Variants in MACROD2 observed in about 807,000 individuals in gnomAD.
MACROD2 encodes mono-ADP ribosylhydrolase 2.
MACROD2 carries 36 observed loss-of-function variants against 70.4 expected under a neutral mutation model. The ratio of observed to expected loss-of-function variants is 0.51; its 90% CI spans 0.39 to 0.68. The LOEUF is 0.68. Among genes scored for constraint, MACROD2 ranks in the 30% least tolerant of loss-of-function variants. The probability of loss-of-function intolerance (pLI) is 0.00; values close to 1 mark genes in which losing one functional copy is unlikely to be tolerated. For synonymous variants in MACROD2, 172 were observed against 178.8 expected (o/e 0.96, Z 0.30); for missense variants, 496 against 538.4 (o/e 0.92, Z 0.78).
In MACROD2 at chr20:14,915,310, C is replaced by G. The variant is rs545547640; in HGVS notation, c.418+230351C>G. On this transcript the variant is annotated intron_variant, in intron 5 of 17. Transcript: ENST00000684519. Reference sequence around the variant, plus strand: ...GACTTTAATGGCATTCTGGTGTCTTCAAAAGATCGCCACCAAATAAAGCTT... The same window carrying G: ...GACTTTAATGGCATTCTGGTGTCTTGAAAAGATCGCCACCAAATAAAGCTT... Among the ~76,000 whole-genome samples, 130 of 152,132 alleles carry G rather than the reference C, an allele frequency of 8.5e-4. 1 individual carries two copies. The highest frequency in any genetic ancestry group is 1.5e-3 in the Non-Finnish European group (100 of 68,018).
intron 8 of MACROD2, among the ~76,000 whole-genome samples, chr20:15,576,823 A>G (rs1453388289): frequency 6.6e-6 from 1 of 152,218 alleles, no homozygotes; most frequent in African/African-American, 2.4e-5. Flanking sequence ...TCCCCAAGTT[A>G]TCTTTTGATT....
At chr20:14,204,028 T>C (rs1248911362) in intron 3 of MACROD2, among the ~76,000 whole-genome samples, 2 of 151,996 alleles carry the variant, frequency 1.3e-5, no homozygotes, top group African/African-American at 2.4e-5. Flanking sequence ...GGCCCCTGAG[T>C]GGTACATGTA....
At position 14,185,020 on chromosome 20, in the gene MACROD2, A is replaced by G. The variant is rs540481241; in HGVS notation, c.271+99292A>G. Among the ~76,000 whole-genome samples the G allele has an allele frequency of 2.8e-3, 431 of 152,248 alleles. 2 individuals are homozygous for G. The highest frequency in any genetic ancestry group is 9.7e-3 in the African/African-American group (405 of 41,556). On this transcript the variant is annotated intron_variant, in intron 3 of 17. Coordinates refer to ENST00000684519, the MANE Select transcript of MACROD2 (RefSeq NM_001351661.2). ...ACTAGGATATAAGCTTCATGAATATAGACATCTTGTATATCTATACCCCAT... is the reference window on the plus strand; with the variant it reads ...ACTAGGATATAAGCTTCATGAATATGGACATCTTGTATATCTATACCCCAT...
intron 15 of MACROD2, among the ~76,000 whole-genome samples, chr20:15,999,919 C>T (rs917017431): frequency 4.6e-5 from 7 of 152,138 alleles, no homozygotes; most frequent in Admixed American, 1.3e-4. Context: ...GGCCATGCCA[C>T]GGAGTGTGGA....
chr20:14,772,861 A>C (rs2072186990), intron 5 of MACROD2, among the ~76,000 whole-genome samples: 1 of 152,066 alleles, frequency 6.6e-6, no homozygotes, highest in Admixed American at 6.6e-5. Context: ...GTAAAAGAAA[A>C]ACTGACTAAA....
intron 4 of MACROD2, among the ~76,000 whole-genome samples, chr20:14,573,491 T>C (rs2123324924): frequency 6.6e-6 from 1 of 152,278 alleles, no homozygotes; most frequent in Admixed American, 6.5e-5. Flanking sequence ...CTTTTAAACT[T>C]TATTAAAAGT....
At chr20:14,678,948 A>G (rs2070895477) in intron 4 of MACROD2, among the ~76,000 whole-genome samples, 1 of 151,496 alleles carries the variant, frequency 6.6e-6, no homozygotes, top group African/African-American at 2.4e-5. Flanking sequence ...CCTCAGTATT[A>G]TCAGAAAAAA....
intron 13 of MACROD2, among the ~76,000 whole-genome samples, chr20:15,968,797 GTATA>G (rs35259261): frequency 0.11 from 11,668 of 106,176 alleles, 789 homozygotes; most frequent in Non-Finnish European, 0.14. Flanking sequence ...TATATTATGC[GTATA>G]TATATATATA....
At chr20:15,588,626 A>G (rs1356428627) in intron 8 of MACROD2, among the ~76,000 whole-genome samples, 1 of 152,170 alleles carries the variant, frequency 6.6e-6, no homozygotes, top group Non-Finnish European at 1.5e-5. Context: ...TCTGCCAGAT[A>G]CCCTAAATCA....
chr20:15,880,268 C>G (rs1418081990), intron 9 of MACROD2, among the ~76,000 whole-genome samples: 1 of 152,082 alleles, frequency 6.6e-6, no homozygotes, highest in Admixed American at 6.6e-5. Flanking sequence ...TCTCAGATAA[C>G]TCTTCCTTTG....
At chr20:14,551,925 G>A (rs1306979267) in intron 4 of MACROD2, among the ~76,000 whole-genome samples, 2 of 152,008 alleles carry the variant, frequency 1.3e-5, no homozygotes, top group Non-Finnish European at 2.9e-5. Flanking sequence ...TATTTTGAAG[G>A]TAAAACTCTA....
At chr20:14,507,782 A>G (rs749852925) in intron 4 of MACROD2, among the ~76,000 whole-genome samples, 1 of 152,164 alleles carries the variant, frequency 6.6e-6, no homozygotes, top group Non-Finnish European at 1.5e-5. Context: ...TGTCCGTGAT[A>G]CAGTTTGCTG....
chr20:14,140,419 G>T (rs1355540764), intron 3 of MACROD2, among the ~76,000 whole-genome samples: 1 of 152,056 alleles, frequency 6.6e-6, no homozygotes, highest in Non-Finnish European at 1.5e-5. Context: ...TTGTAAGAAG[G>T]TTCCCAAACC....
At chr20:14,320,912 A>G (rs1443618383) in intron 3 of MACROD2, among the ~76,000 whole-genome samples, 1 of 152,050 alleles carries the variant, frequency 6.6e-6, no homozygotes, top group African/African-American at 2.4e-5. Flanking sequence ...CTTACCCTTC[A>G]ACACCTATCC....
chr20:14,472,530 G>T (rs930349208), intron 3 of MACROD2, among the ~76,000 whole-genome samples: 3 of 152,146 alleles, frequency 2.0e-5, no homozygotes, highest in African/African-American at 7.2e-5. Flanking sequence ...AAAAAGAGAT[G>T]AATACATTGT....
chr20:14,900,699 C>A (rs1386775892), intron 5 of MACROD2, among the ~76,000 whole-genome samples: 1 of 150,212 alleles, frequency 6.7e-6, no homozygotes, highest in African/African-American at 2.4e-5. Context: ...CTTTTTTTTT[C>A]TTTGCCAGTC....
rs76962737 is a variant in MACROD2 at position 15,528,992 on chromosome 20, A to G, written c.645+29145A>G. On this transcript the variant is annotated intron_variant, in intron 8 of 17. Coordinates refer to ENST00000684519, the MANE Select transcript of MACROD2 (RefSeq NM_001351661.2). ...TTACTGCTCTAACAAAGACACTCCT[A>G]ATGTAACTATTAATATATCTTAAAG... 2.6e-3 allele frequency among the ~76,000 whole-genome samples: 390 copies of G among 152,206 alleles called. 4 individuals are homozygous for G. The East Asian group carries it at 0.043, about 17-fold the overall frequency.
intron 6 of MACROD2, among the ~76,000 whole-genome samples, chr20:15,383,667 G>A (rs145332247): frequency 2.0e-5 from 3 of 152,276 alleles, no homozygotes; most frequent in East Asian, 1.9e-4. Flanking sequence ...CAGCCTTGCA[G>A]CATTGATCTC....
intron 6 of MACROD2, among the ~76,000 whole-genome samples, chr20:15,295,592 TCATCA>T (rs1412033375): frequency 1.6e-5 from 1 of 63,830 alleles, no homozygotes; most frequent in Non-Finnish European, 3.1e-5. Context: ...TCAATGTCTG[TCATCA>T]CACACACACA....
Sources: gnomAD v4.1 joint callset for allele counts (sites outside exome capture counted in the v4.1 genomes callset) on GRCh38, gnomAD v4.1.1 for gene constraint, MANE v1.5 for transcripts, NCBI Gene and HGNC (gene_info 2026-07-23, HGNC 2026-07-21) for gene names.